Variants in TAF3 observed in about 807,000 individuals in gnomAD.
The protein encoded by TAF3 is transcription initiation factor TFIID subunit 3.
In TAF3, 7 loss-of-function variants were observed where a neutral mutation model predicts 80.6. That is an observed-to-expected ratio of 0.09 (90% CI 0.05 to 0.16). The LOEUF is 0.16. Among genes scored for constraint, TAF3 ranks in the 10% least tolerant of loss-of-function variants. The pLI is 1.00. For missense variants in TAF3, 921 were observed against 1,140.2 expected (o/e 0.81, Z 2.77); for synonymous variants, 444 against 446.1 (o/e 1.00, Z 0.06).
At chr10:7,959,613 C>T (rs930092020) in intron 2 of TAF3, among the ~76,000 whole-genome samples, 3 of 152,144 alleles carry the variant, frequency 2.0e-5, no homozygotes, top group Non-Finnish European at 4.4e-5. Flanking sequence ...AAACAACCAT[C>T]ATTAATTTTT....
At chr10:7,999,458 G>GAAGT (rs1831922401) in intron 4 of TAF3, among the ~76,000 whole-genome samples, 1 of 133,096 alleles carries the variant, frequency 7.5e-6, no homozygotes, top group African/African-American at 2.8e-5. Context: ...AAAGAAAGAA[G>GAAGT]TTTTTTTTTT....
At chr10:7,970,397 C>T (rs1031892339) in intron 3 of TAF3, among the ~76,000 whole-genome samples, 1 of 152,194 alleles carries the variant, frequency 6.6e-6, no homozygotes, top group African/African-American at 2.4e-5. Flanking sequence ...TCCTGTTTTA[C>T]AGTTGAGAAA....
chr10:7,855,057 G>A (rs1258199579), intron 2 of TAF3, among the ~76,000 whole-genome samples: 2 of 152,120 alleles, frequency 1.3e-5, no homozygotes, highest in Non-Finnish European at 2.9e-5. Flanking sequence ...TGAATAGAAT[G>A]GGATAAAAGG....
At chr10:7,825,546 A>T (rs2131099324) in intron 2 of TAF3, among the ~76,000 whole-genome samples, 1 of 152,034 alleles carries the variant, frequency 6.6e-6, no homozygotes, top group African/African-American at 2.4e-5. Context: ...GTCTCTCTGA[A>T]TTTGTCTATT....
chr10:8,000,871 G>A (rs1389218796), intron 4 of TAF3, among the ~76,000 whole-genome samples: 1 of 152,108 alleles, frequency 6.6e-6, no homozygotes, highest in Non-Finnish European at 1.5e-5. Flanking sequence ...TTTTTTCTAA[G>A]TATACACTCA....
At chr10:7,837,780 C>G (rs1323558743) in intron 2 of TAF3, among the ~76,000 whole-genome samples, 8 of 152,000 alleles carry the variant, frequency 5.3e-5, no homozygotes, top group Non-Finnish European at 1.2e-4. Context: ...CAGTGAGCCA[C>G]TGCACTCCAG....
At chr10:7,892,077 A>T (rs1430738876) in intron 2 of TAF3, among the ~76,000 whole-genome samples, 1 of 152,228 alleles carries the variant, frequency 6.6e-6, no homozygotes, top group African/African-American at 2.4e-5. Flanking sequence ...TTATTCATTT[A>T]TTAAATATTT....
At chr10:8,005,109 C>T (rs1005232284) in intron 4 of TAF3, among the ~76,000 whole-genome samples, 1 of 152,146 alleles carries the variant, frequency 6.6e-6, no homozygotes, top group Non-Finnish European at 1.5e-5. Flanking sequence ...TAGATCAAGT[C>T]ACTCTCTGTG....
chr10:7,825,216 T>G (rs1028102719), intron 2 of TAF3, among the ~76,000 whole-genome samples: 16 of 152,248 alleles, frequency 1.1e-4, no homozygotes, highest in African/African-American at 3.6e-4. Context: ...ACACGATATT[T>G]TTTCTTATAA....
chr10:7,949,049 C>G (rs1033137787), intron 2 of TAF3, among the ~76,000 whole-genome samples: 17 of 152,216 alleles, frequency 1.1e-4, no homozygotes, highest in Admixed American at 8.5e-4. Context: ...CAGCCGCTCT[C>G]GGGTCAACAG....
intron 2 of TAF3, among the ~76,000 whole-genome samples, chr10:7,887,905 T>C (rs1263487570): frequency 6.6e-6 from 1 of 152,058 alleles, no homozygotes; most frequent in Non-Finnish European, 1.5e-5. Flanking sequence ...GGATTCCAGC[T>C]CCAATCCACA....
At chr10:7,836,145 G>A (rs772960465) in intron 2 of TAF3, among the ~76,000 whole-genome samples, 13 of 151,998 alleles carry the variant, frequency 8.6e-5, no homozygotes, top group East Asian at 3.8e-4. Context: ...TGTTTCTCAC[G>A]TTACTTAGTT....
intron 2 of TAF3, among the ~76,000 whole-genome samples, chr10:7,942,264 GA>G (rs1175676044): frequency 6.6e-6 from 1 of 152,128 alleles, no homozygotes; most frequent in Non-Finnish European, 1.5e-5. Flanking sequence ...CATATAGAAT[GA>G]GTATATAAAT....
At chr10:8,012,653 C>T (rs1386448211) in intron 5 of TAF3, among the ~76,000 whole-genome samples, 1 of 152,156 alleles carries the variant, frequency 6.6e-6, no homozygotes, top group Non-Finnish European at 1.5e-5. Flanking sequence ...CCTGGAATTA[C>T]GGAGGGTCAG....
At chr10:7,850,813 T>C (rs935496990) in intron 2 of TAF3, among the ~76,000 whole-genome samples, 11 of 152,202 alleles carry the variant, frequency 7.2e-5, no homozygotes, top group African/African-American at 2.4e-4. Flanking sequence ...CAGGTTTATT[T>C]TCCAGTTCGC....
chr10:7,874,807 T>C (rs1449553922), intron 2 of TAF3, among the ~76,000 whole-genome samples: 1 of 152,138 alleles, frequency 6.6e-6, no homozygotes, highest in African/African-American at 2.4e-5. Context: ...GAAAACTTTT[T>C]TCATCGATTT....
intron 2 of TAF3, among the ~76,000 whole-genome samples, chr10:7,927,650 A>AC (rs1320356377): frequency 5.3e-5 from 8 of 152,192 alleles, no homozygotes; most frequent in Non-Finnish European, 1.0e-4. Flanking sequence ...ATCTTTTCAG[A>AC]CCCTACTTCA....
At chr10:7,924,467 G>A (rs1038834075) in intron 2 of TAF3, among the ~76,000 whole-genome samples, 4 of 152,146 alleles carry the variant, frequency 2.6e-5, no homozygotes, top group Non-Finnish European at 5.9e-5. Context: ...TGTTAAGTCC[G>A]GGGATCTGCC....
intron 2 of TAF3, among the ~76,000 whole-genome samples, chr10:7,947,051 C>G (rs1456560444): frequency 1.3e-5 from 2 of 152,210 alleles, no homozygotes; most frequent in South Asian, 2.1e-4. Context: ...CATGAGCCAC[C>G]TCGCCTGGCC....
Sources: gnomAD v4.1 joint callset for allele counts (sites outside exome capture counted in the v4.1 genomes callset) on GRCh38, gnomAD v4.1.1 for gene constraint, MANE v1.5 for transcripts, NCBI Gene and HGNC (gene_info 2026-07-23, HGNC 2026-07-21) for gene names.